WIPF2: variants seen among roughly 807,000 people sequenced by gnomAD.
WIPF2 encodes WAS/WASL interacting protein family member 2.
WIPF2 carries 23 observed loss-of-function variants against 38.8 expected under a neutral mutation model. That is an observed-to-expected ratio of 0.59 (90% CI 0.43 to 0.84). The LOEUF (loss-of-function observed/expected upper bound fraction) is 0.84. Ranked by LOEUF, WIPF2 falls within the 40% of genes least tolerant of loss-of-function variation. WIPF2 has a pLI of 0.00. For missense variants in WIPF2, 574 were observed against 580.5 expected (o/e 0.99, Z 0.11); for synonymous variants, 210 against 223.2 (o/e 0.94, Z 0.53).
At position 40,264,706 on chromosome 17, in the gene WIPF2, C is replaced by T. The variant is rs766045344; in HGVS notation, c.530C>T (p.Pro177Leu). Reference sequence around the variant, plus strand: ...GGCATGAAGCACAGCTCCTCTGCCCCTCCCCCACCACCCCCAGGGCGGCGT... The same window carrying T: ...GGCATGAAGCACAGCTCCTCTGCCCTTCCCCCACCACCCCCAGGGCGGCGT... ...STGMKHSSSA[P>L]PPPPPGRRAN... The change falls in exon 5 of 8, where the codon CCT becomes CTT. Residue 177 changes from proline (P) to leucine (L), a missense_variant. Transcript: ENST00000323571. 20 of 1,612,526 alleles carry T rather than the reference C, an allele frequency of 1.2e-5. 1 individual carries two copies. The South Asian group carries it at 2.2e-4, about 18-fold the overall frequency.
intron 1 of WIPF2, among the ~76,000 whole-genome samples, chr17:40,242,993 T>C (rs965362494): frequency 3.9e-5 from 6 of 152,218 alleles, no homozygotes; most frequent in African/African-American, 1.2e-4. Context: ...TTGCATTAGT[T>C]ATTCCTAGTC....
intron 1 of WIPF2, among the ~76,000 whole-genome samples, chr17:40,255,716 C>T (rs2031703329): frequency 6.6e-6 from 1 of 150,754 alleles, no homozygotes; most frequent in South Asian, 2.1e-4. Context: ...GCAAGCTCCG[C>T]CTCCTGGTTT....
chr17:40,236,182 G>A (rs188408993), intron 1 of WIPF2, among the ~76,000 whole-genome samples: 26 of 150,530 alleles, frequency 1.7e-4, no homozygotes, highest in Admixed American at 1.5e-3. Flanking sequence ...TGGCCATGCT[G>A]GTCTCGAACT....
At chr17:40,230,099 A>G (rs1385955280) in intron 1 of WIPF2, among the ~76,000 whole-genome samples, 1 of 152,206 alleles carries the variant, frequency 6.6e-6, no homozygotes, top group Non-Finnish European at 1.5e-5. Context: ...ACACTTTGGG[A>G]GACCAAGGTG....
At chr17:40,235,076 G>T (rs1199565273) in intron 1 of WIPF2, among the ~76,000 whole-genome samples, 1 of 151,964 alleles carries the variant, frequency 6.6e-6, no homozygotes, top group Non-Finnish European at 1.5e-5. Context: ...CCGCCACCAC[G>T]CCCAGCTAAT....
intron 6 of WIPF2, among the ~76,000 whole-genome samples, chr17:40,275,508 C>T (rs1303682345): frequency 5.3e-5 from 8 of 152,126 alleles, no homozygotes; most frequent in East Asian, 1.9e-4. Context: ...TTGTTAGACC[C>T]GTCTGTTGAG....
chr17:40,258,859 C>T (rs1225183324), intron 2 of WIPF2, among the ~76,000 whole-genome samples: 1 of 151,212 alleles, frequency 6.6e-6, no homozygotes, highest in Non-Finnish European at 1.5e-5. Context: ...TAACTCACTG[C>T]AGCCTCTAAT....
At chr17:40,272,988 G>A (rs988679441) in intron 5 of WIPF2, among the ~76,000 whole-genome samples, 29 of 152,186 alleles carry the variant, frequency 1.9e-4, no homozygotes, top group African/African-American at 6.8e-4. Flanking sequence ...AAGCTGATTG[G>A]TGTGGTAGGT....
At chr17:40,267,204 G>A (rs1409185916) in intron 5 of WIPF2, among the ~76,000 whole-genome samples, 1 of 152,116 alleles carries the variant, frequency 6.6e-6, no homozygotes, top group Non-Finnish European at 1.5e-5. Context: ...TGATTTGCAG[G>A]TACAGAAAAA....
At chr17:40,223,007 T>G (rs867884375) in intron 1 of WIPF2, among the ~76,000 whole-genome samples, 2 of 151,372 alleles carry the variant, frequency 1.3e-5, no homozygotes, top group Middle Eastern at 6.8e-3. Flanking sequence ...AATGTCAACT[T>G]TTAAAAGTAA....
intron 1 of WIPF2, among the ~76,000 whole-genome samples, chr17:40,234,493 A>G (rs1338247927): frequency 1.3e-5 from 2 of 151,934 alleles, no homozygotes; most frequent in South Asian, 2.1e-4. Flanking sequence ...GGTGGCATGC[A>G]CTTGTAGTTC....
At chr17:40,273,680 C>T (rs2032305910) in intron 5 of WIPF2, 110 bp from the exon 6 acceptor site, 3 of 685,840 alleles carry the variant, frequency 4.4e-6, no homozygotes, top group Non-Finnish European at 5.3e-6. Context: ...GGGAACCAGG[C>T]ACTGTGAGCC....
intron 7 of WIPF2, 27 bp downstream of exon 7, chr17:40,277,211 C>T (rs770063590): frequency 6.5e-7 from 1 of 1,547,346 alleles, no homozygotes; most frequent in Non-Finnish European, 8.9e-7. Flanking sequence ...GAAGGTTTTT[C>T]CATAATTGCA....
chr17:40,240,869 C>G (rs1025814904), intron 1 of WIPF2, among the ~76,000 whole-genome samples: 1 of 149,262 alleles, frequency 6.7e-6, no homozygotes, highest in African/African-American at 2.5e-5. Flanking sequence ...GACATGAACC[C>G]GAGAGGTGGA....
Position 40,219,442 on chromosome 17 carries a change from A to G in WIPF2, c.-120A>G. Reference sequence around the variant, plus strand: ...GCCGGGGGGCGAGCAGGACAGGACGAAGCCGGAGTGTAGGCGGCAGAGGAT... The same window carrying G: ...GCCGGGGGGCGAGCAGGACAGGACGGAGCCGGAGTGTAGGCGGCAGAGGAT... On this transcript the variant is annotated 5_prime_UTR_variant, in exon 1 of 8. Coordinates refer to ENST00000323571, the MANE Select transcript of WIPF2 (RefSeq NM_133264.5). The G allele has an allele frequency of 3.3e-6, 1 of 305,682 alleles. No individual in the cohort carries two copies. The highest frequency in any genetic ancestry group is 6.5e-5 in the East Asian group (1 of 15,436). 18.9% of individuals were successfully genotyped at this position (305,682 alleles called of 1,614,324 possible).
rs369941366 is a variant in WIPF2, at chr17:40,266,919, G to A, written c.970+1773G>A. ...AGCATATAGGCTTAGAAGCAAGTGG[G>A]TAGGTGGGTGTAGTGGTAGAAGCAT... On this transcript the variant is annotated intron_variant, in intron 5 of 7. Transcript: ENST00000323571. Among the ~76,000 whole-genome samples, 116 of 152,300 alleles carry A rather than the reference G, an allele frequency of 7.6e-4. 4 individuals are homozygous for A. In the South Asian group the frequency reaches 0.023, roughly 30 times the overall value.
At chr17:40,262,798 G>A (rs1172323136) in intron 4 of WIPF2, among the ~76,000 whole-genome samples, 157 bp downstream of exon 4, 1 of 152,142 alleles carries the variant, frequency 6.6e-6, no homozygotes, top group Non-Finnish European at 1.5e-5. Context: ...AAAAGCTGAG[G>A]GATTAAATGA....
At chr17:40,224,240 T>TC (rs1172277156) in intron 1 of WIPF2, among the ~76,000 whole-genome samples, 1 of 143,592 alleles carries the variant, frequency 7.0e-6, no homozygotes, top group East Asian at 2.0e-4. Context: ...TCTTTTTTTT[T>TC]TTTTTTTTTG....
At position 40,256,403 on chromosome 17, in the gene WIPF2, C is replaced by G; in HGVS notation, c.-57C>G. 2.5e-6 allele frequency: 4 copies of G among 1,581,906 alleles called. No homozygotes were observed. Among genetic ancestry groups the G allele is most frequent in the Non-Finnish European group, 3.4e-6 (4 of 1,169,912 alleles). ...TTTTCATTTGCAGGTATATGAATGA[C>G]CTAAAGGTACAAATAAAGACGGAGA... On this transcript the variant is annotated 5_prime_UTR_variant, in exon 2 of 8. Coordinates refer to ENST00000323571, the MANE Select transcript of WIPF2 (RefSeq NM_133264.5).
Sources: allele counts gnomAD v4.1 joint callset (sites outside exome capture counted in the v4.1 genomes callset), GRCh38; gene constraint gnomAD v4.1.1; transcripts MANE v1.5; gene names NCBI Gene and HGNC (gene_info 2026-07-23, HGNC 2026-07-21).